The following DICER1 variants were observed in gnomAD, a reference collection of about 807,000 sequenced individuals.
DICER1 encodes the protein dicer 1, ribonuclease III.
A neutral mutation model predicts 194.1 loss-of-function variants in DICER1; 43 were observed. The ratio of observed to expected loss-of-function variants is 0.22; its 90% CI spans 0.17 to 0.29. The LOEUF is 0.29. DICER1 is among the 10% of genes least tolerant of loss of function. The probability of loss-of-function intolerance (pLI) is 1.00; values close to 1 mark genes in which losing one functional copy is unlikely to be tolerated. For synonymous variants in DICER1, 832 were observed against 820.5 expected (o/e 1.01, Z -0.24); for missense variants, 1,608 against 2,317.0 (o/e 0.69, Z 6.28).
chr14:95,126,849 T>TAAAA, intron 6 of DICER1, 101 bp from the exon 7 acceptor site: 7 of 334,048 alleles, frequency 2.1e-5, no homozygotes, highest in African/African-American at 5.1e-5. Flanking sequence ...GAATAGATAC[T>TAAAA]AAAAAAAAAA....
chr14:95,136,783 A>G (rs1407163512), intron 1 of DICER1: 1 of 152,270 alleles, frequency 6.6e-6, no homozygotes, highest in Non-Finnish European at 1.5e-5. Context: ...AGACCCATGA[A>G]AAGATCCAGC....
intron 8 of DICER1, among the ~76,000 whole-genome samples, chr14:95,123,098 T>G (rs1017805518): frequency 1.3e-5 from 2 of 152,120 alleles, no homozygotes; most frequent in African/African-American, 4.8e-5. Flanking sequence ...GTAAATTGAT[T>G]TAAGTACAAA....
Position 95,102,016 on chromosome 14 carries a change from C to T in DICER1, c.4050+1330G>A, listed in dbSNP as rs190397232. On this transcript the variant is annotated intron_variant, in intron 21 of 26. Transcript: ENST00000343455. Reference sequence around the variant, plus strand: ...AGCTAACTTCTCCAGCCTATTCTCACCTATAAAATGGGGAAAATAAAAGTT... The same window carrying T: ...AGCTAACTTCTCCAGCCTATTCTCATCTATAAAATGGGGAAAATAAAAGTT... Among the ~76,000 whole-genome samples the T allele has an allele frequency of 1.8e-4, 27 of 152,170 alleles. 1 individual carries two copies. Among genetic ancestry groups the T allele is most frequent in the Non-Finnish European group, 1.5e-4 (10 of 68,006 alleles).
At chr14:95,117,789 T>G (rs965123832) in intron 8 of DICER1, 35 bp from the exon 9 acceptor site, 9 of 1,606,546 alleles carry the variant, frequency 5.6e-6, no homozygotes, top group Non-Finnish European at 7.7e-6. Context: ...AGTTAAACGT[T>G]GCTGAAAGAA....
At chr14:95,131,998 A>G (rs556649477) in intron 3 of DICER1, among the ~76,000 whole-genome samples, 2 of 152,294 alleles carry the variant, frequency 1.3e-5, no homozygotes, top group South Asian at 2.1e-4. Context: ...CTAAAAAAAG[A>G]GCAGTGACAT....
chr14:95,137,912 G>C (rs1350012977), intron 1 of DICER1: 1 of 154,698 alleles, frequency 6.5e-6, no homozygotes, highest in African/African-American at 2.4e-5. Flanking sequence ...GAGGGAGAGA[G>C]ATCGTTTCCC....
In DICER1 at chr14:95,124,808, G is replaced by A; in HGVS notation, c.904-140C>T. On this transcript the variant is annotated intron_variant, in intron 7 of 26. Transcript: ENST00000343455. This position sits in a 1 kb window ranked among gnomAD's most constrained non-coding sequence, Gnocchi z 4.5. ...GCCTTAGGTTAAGTCCCTGAAGGTG[G>A]GGGGAGAGGCCATTAGCCTTTTCAA... 1 of 704,156 alleles carries A rather than the reference G, an allele frequency of 1.4e-6. No homozygotes were observed. The highest frequency in any genetic ancestry group is 2.4e-6 in the Non-Finnish European group (1 of 415,430). The allele number at this position is 704,156 out of a possible 1,614,324, so 43.6% of individuals were successfully genotyped here.
At chr14:95,108,918 T>C (rs965772296) in intron 14 of DICER1, among the ~76,000 whole-genome samples, 20 of 152,354 alleles carry the variant, frequency 1.3e-4, no homozygotes, top group African/African-American at 4.8e-4. Flanking sequence ...AAATCACATA[T>C]AATCCTATCA....
rs2140261523 is a variant in DICER1, at chr14:95,129,621, A to G, written c.585T>C (p.Asn195=). The G allele has an allele frequency of 6.2e-7, 1 of 1,611,818 alleles. No homozygotes were observed. The highest frequency in any genetic ancestry group is 8.5e-7 in the Non-Finnish European group (1 of 1,179,806). Residue 195 remains asparagine (N), a synonymous_variant, in exon 6 of 27, where the codon AAT becomes AAC. Coordinates refer to ENST00000343455, the MANE Select transcript of DICER1 (RefSeq NM_177438.3). ...CCAAAATGCGAGGACATGATGGACA[A>G]TTTTCACAGAGCTAACATAATAAAA... is the stretch of plus-strand genomic sequence containing the variant. ...PYREIMKLCE[N]CPSCPRILGL...
At chr14:95,142,799 T>C (rs1208099701) in intron 1 of DICER1, among the ~76,000 whole-genome samples, 3 of 152,180 alleles carry the variant, frequency 2.0e-5, no homozygotes, top group African/African-American at 7.2e-5. Context: ...CAAGTTTTAG[T>C]ACAAACTAGC....
intron 21 of DICER1, 135 bp downstream of exon 21, chr14:95,103,211 G>A: frequency 1.0e-6 from 1 of 974,174 alleles, no homozygotes; most frequent in Non-Finnish European, 1.6e-6. Flanking sequence ...GTAGAACAAG[G>A]GAGCAGCTGT....
intron 1 of DICER1, among the ~76,000 whole-genome samples, chr14:95,155,523 A>C (rs1566837547): frequency 6.6e-6 from 1 of 152,246 alleles, no homozygotes; most frequent in Non-Finnish European, 1.5e-5. Context: ...AAACCAAGAC[A>C]ATAAAGCTCA....
Position 95,108,091 on chromosome 14 carries a change from A to G in DICER1, c.2439T>C (p.Ile813=). 6.2e-7 allele frequency: 1 copy of G among 1,610,104 alleles called. No homozygotes were observed. ...GILTAKPIPQ[I]PHFPVYTRSG... is the part of the protein sequence containing the mutation. ...AGCGTGTGTACACAGGAAAGTGTGGAATCTTAGCAAAAGGAAATGTAAAGC... is the reference window on the plus strand; with the variant it reads ...AGCGTGTGTACACAGGAAAGTGTGGGATCTTAGCAAAAGGAAATGTAAAGC... The change falls in exon 16 of 27, where the codon ATT becomes ATC. Residue 813 remains isoleucine, a splice_region_variant and synonymous_variant. Coordinates refer to ENST00000343455, the MANE Select transcript of DICER1 (RefSeq NM_177438.3).
intron 22 of DICER1, among the ~76,000 whole-genome samples, chr14:95,097,656 C>G (rs201847951): frequency 3.3e-5 from 5 of 152,128 alleles, no homozygotes; most frequent in African/African-American, 1.2e-4. Context: ...AGGGGGAAGA[C>G]GAAGGGTGTG....
chr14:95,109,538 C>T (rs756399865), intron 14 of DICER1, among the ~76,000 whole-genome samples: 3 of 152,138 alleles, frequency 2.0e-5, no homozygotes, highest in Admixed American at 6.5e-5. Flanking sequence ...CCAGCCAATA[C>T]TATGCTTTTA....
intron 1 of DICER1, among the ~76,000 whole-genome samples, chr14:95,139,653 T>C (rs1268551918): frequency 1.3e-5 from 2 of 152,212 alleles, no homozygotes; most frequent in Admixed American, 6.5e-5. Context: ...CAAACTGAAT[T>C]AGAGACTCAT....
intron 1 of DICER1, among the ~76,000 whole-genome samples, chr14:95,153,481 C>T (rs181621001): frequency 5.2e-4 from 79 of 152,308 alleles, no homozygotes; most frequent in Admixed American, 1.4e-3. Context: ...AAATGTTTCT[C>T]TATCGTTTGT....
chr14:95,134,183 A>G (rs1037145134), intron 1 of DICER1, among the ~76,000 whole-genome samples: 1 of 152,198 alleles, frequency 6.6e-6, no homozygotes, highest in Non-Finnish European at 1.5e-5. Flanking sequence ...ATGCACAACT[A>G]TTTAAATATG....
rs917846499 is a variant in DICER1, at chr14:95,102,238, G to C, written c.4050+1108C>G. Among the ~76,000 whole-genome samples the C allele has an allele frequency of 4.6e-5, 7 of 152,142 alleles. No homozygotes were observed. In the East Asian group the frequency reaches 1.4e-3, roughly 29 times the overall value. On this transcript the variant is annotated intron_variant, in intron 21 of 26. Transcript: ENST00000343455. ...CCCCTTCCTCTCTACCAGAACTCTA[G>C]TTCTATCCCATTCTCTGCTTCTGCT...
Sources: allele counts gnomAD v4.1 joint callset (sites outside exome capture counted in the v4.1 genomes callset), GRCh38; gene constraint gnomAD v4.1.1; non-coding constraint Gnocchi (gnomAD v3.1); transcripts MANE v1.5; gene names NCBI Gene and HGNC (gene_info 2026-07-23, HGNC 2026-07-21).